The following TNIK variants were observed in gnomAD, a reference collection of about 807,000 sequenced individuals.
TNIK encodes TRAF2 and NCK interacting kinase.
TNIK carries 49 observed loss-of-function variants against 191.3 expected under a neutral mutation model. The ratio of observed to expected loss-of-function variants is 0.26; its 90% CI spans 0.20 to 0.32. The LOEUF (loss-of-function observed/expected upper bound fraction) is 0.32. Among genes scored for constraint, TNIK ranks in the 10% least tolerant of loss-of-function variants. TNIK has a pLI of 1.00. For synonymous variants in TNIK, 594 were observed against 600.9 expected (o/e 0.99, Z 0.17); for missense variants, 1,155 against 1,702.3 (o/e 0.68, Z 5.66).
In TNIK at chr3:171,182,480, A is replaced by G. The variant is rs186174018; in HGVS notation, c.640-5100T>C. Among the ~76,000 whole-genome samples, 6 of 152,324 alleles carry G rather than the reference A, an allele frequency of 3.9e-5. No homozygotes were observed. In the East Asian group the frequency reaches 1.2e-3, roughly 29 times the overall value. ...AGTCAGAAAGAGATAAGTTTCGTTC[A>G]TGGCCATGGTGTGACTCATTTTGGC... On this transcript the variant is annotated intron_variant, in intron 7 of 32. Transcript: ENST00000436636.
chr3:171,369,745 C>T, intron 1 of TNIK, 60 bp from the exon 2 acceptor site: 1 of 1,363,820 alleles, frequency 7.3e-7, no homozygotes, highest in Non-Finnish European at 1.0e-6. Context: ...TTGCCTTAAT[C>T]AAAAGCAAAT....
At chr3:171,406,255 C>T (rs1421391059) in intron 1 of TNIK, among the ~76,000 whole-genome samples, 1 of 151,942 alleles carries the variant, frequency 6.6e-6, no homozygotes, top group East Asian at 1.9e-4. Flanking sequence ...TGTGGCTAGT[C>T]CACTCTACTG....
At chr3:171,243,870 G>A (rs1435012018) in intron 2 of TNIK, among the ~76,000 whole-genome samples, 1 of 151,988 alleles carries the variant, frequency 6.6e-6, no homozygotes, top group African/African-American at 2.4e-5. Context: ...GTGGTTTTAG[G>A]AAACATAATA....
At position 171,140,658 on chromosome 3, in the gene TNIK, G is replaced by C; in HGVS notation, c.1222-149C>G. The C allele has an allele frequency of 7.3e-6, 5 of 683,318 alleles. No individual in the cohort carries two copies. The South Asian group carries it at 8.7e-5, about 12-fold the overall frequency. The allele number at this position is 683,318 out of a possible 1,614,324, so 42.3% of individuals were successfully genotyped here. ...AAGGTTCTTCTCTCCGGGGCTGTTG[G>C]AGGGTACACTGGCAGGGAGCGGGTG... is the stretch of plus-strand genomic sequence containing the variant. On this transcript the variant is annotated intron_variant, in intron 12 of 32. Coordinates refer to ENST00000436636, the MANE Select transcript of TNIK (RefSeq NM_015028.4).
At chr3:171,322,107 T>G (rs1755225877) in intron 2 of TNIK, among the ~76,000 whole-genome samples, 1 of 152,154 alleles carries the variant, frequency 6.6e-6, no homozygotes, top group South Asian at 2.1e-4. Flanking sequence ...GAAGCTATTT[T>G]TACTCCTACA....
At chr3:171,327,259 T>G (rs1038382617) in intron 2 of TNIK, among the ~76,000 whole-genome samples, 11 of 152,152 alleles carry the variant, frequency 7.2e-5, no homozygotes, top group African/African-American at 2.7e-4. Context: ...CAGACTCAAG[T>G]GGAAAAACAC....
chr3:171,375,483 G>A (rs959361647), intron 1 of TNIK, among the ~76,000 whole-genome samples: 7 of 152,140 alleles, frequency 4.6e-5, no homozygotes, highest in Non-Finnish European at 7.4e-5. Context: ...TTGAGAAGGC[G>A]CATTAAGTTT....
At chr3:171,210,851 GAAA>G (rs11324657) in intron 4 of TNIK, among the ~76,000 whole-genome samples, 11 of 131,418 alleles carry the variant, frequency 8.4e-5, no homozygotes, top group South Asian at 4.8e-4. Flanking sequence ...GTCAATTAGT[GAAA>G]AAAAAAAAAA....
Position 171,099,913 on chromosome 3 carries a change from T to C in TNIK, c.2591+1536A>G, listed in dbSNP as rs1723220274. ...AAATGCTAATGAACATCTTTGGTTGTTCCTCCAAATGTTTATATTAGCCTG... is the reference window on the plus strand; with the variant it reads ...AAATGCTAATGAACATCTTTGGTTGCTCCTCCAAATGTTTATATTAGCCTG... On this transcript the variant is annotated intron_variant, in intron 22 of 32. Coordinates refer to ENST00000436636, the MANE Select transcript of TNIK (RefSeq NM_015028.4). Among the ~76,000 whole-genome samples, 3 of 152,336 alleles carry C rather than the reference T, an allele frequency of 2.0e-5. No homozygotes were observed. In the South Asian group the frequency reaches 6.2e-4, roughly 32 times the overall value.
intron 28 of TNIK, 144 bp downstream of exon 28, chr3:171,079,374 T>A: frequency 1.0e-6 from 1 of 962,562 alleles, no homozygotes; most frequent in Non-Finnish European, 1.4e-6. Context: ...TTAAAAAATA[T>A]AAATAATGCT....
chr3:171,304,574 G>A (rs566745982), intron 2 of TNIK, among the ~76,000 whole-genome samples: 29 of 152,150 alleles, frequency 1.9e-4, no homozygotes, highest in Middle Eastern at 3.4e-3. Flanking sequence ...TGTTTATTGC[G>A]GCACTATTCA....
intron 10 of TNIK, among the ~76,000 whole-genome samples, chr3:171,164,726 G>A (rs1048429334): frequency 2.0e-5 from 3 of 152,186 alleles, no homozygotes; most frequent in African/African-American, 7.2e-5. Flanking sequence ...CCTAAAATAT[G>A]CCCTTAAAAA....
intron 12 of TNIK, among the ~76,000 whole-genome samples, chr3:171,145,349 G>A (rs1358608663): frequency 2.0e-5 from 3 of 152,110 alleles, no homozygotes; most frequent in Non-Finnish European, 4.4e-5. Flanking sequence ...GCCTCCCAAA[G>A]TGCTGGGATT....
intron 4 of TNIK, among the ~76,000 whole-genome samples, chr3:171,209,992 A>T (rs963594546): frequency 6.6e-6 from 1 of 152,222 alleles, no homozygotes; most frequent in African/African-American, 2.4e-5. Context: ...CACACAGCTC[A>T]GCACAGTATT....
At chr3:171,363,154 T>C (rs1715224073) in intron 2 of TNIK, among the ~76,000 whole-genome samples, 1 of 152,166 alleles carries the variant, frequency 6.6e-6, no homozygotes, top group African/African-American at 2.4e-5. Context: ...GGCTGCTATA[T>C]ATCTTGCAAT....
At chr3:171,239,990 G>T (rs551690966) in intron 2 of TNIK, among the ~76,000 whole-genome samples, 2 of 152,260 alleles carry the variant, frequency 1.3e-5, no homozygotes, top group East Asian at 1.9e-4. Context: ...AATATGATCT[G>T]CCCCAAGCTC....
rs189643487 is a variant in TNIK at position 171,243,914 on chromosome 3, G to A, written c.124-15693C>T. Among the ~76,000 whole-genome samples the A allele has an allele frequency of 3.4e-3, 515 of 152,070 alleles. 1 individual carries two copies. The highest frequency in any genetic ancestry group is 5.2e-3 in the Non-Finnish European group (354 of 67,978). ...AAAATCGTGAGAAAAGAAATCCACC[G>A]TTATTAACTCATTGAGAAAGAACCA... is the stretch of plus-strand genomic sequence containing the variant. On this transcript the variant is annotated intron_variant, in intron 2 of 32. Transcript: ENST00000436636.
intron 12 of TNIK, among the ~76,000 whole-genome samples, chr3:171,150,739 G>A (rs1732324650): frequency 2.0e-5 from 3 of 152,106 alleles, no homozygotes; most frequent in Admixed American, 6.5e-5. Context: ...AGAATGGGCC[G>A]CCTCCTTGTC....
At chr3:171,253,247 G>A (rs1252035711) in intron 2 of TNIK, among the ~76,000 whole-genome samples, 1 of 149,552 alleles carries the variant, frequency 6.7e-6, no homozygotes, top group Non-Finnish European at 1.5e-5. Flanking sequence ...TCACACCACT[G>A]CACTCCAGCC....
Sources: gnomAD v4.1 joint callset for allele counts (sites outside exome capture counted in the v4.1 genomes callset) on GRCh38, gnomAD v4.1.1 for gene constraint, MANE v1.5 for transcripts, NCBI Gene and HGNC (gene_info 2026-07-23, HGNC 2026-07-21) for gene names.